ATL3: variants seen among roughly 807,000 people sequenced by gnomAD.
The protein encoded by ATL3 is atlastin GTPase 3.
ATL3 carries 49 observed loss-of-function variants against 69.5 expected under a neutral mutation model. The observed-to-expected ratio is 0.71, with a 90% confidence interval of 0.56 to 0.89. The LOEUF (loss-of-function observed/expected upper bound fraction) is 0.89. Among genes scored for constraint, ATL3 ranks in the 40% least tolerant of loss-of-function variants. The probability of loss-of-function intolerance (pLI) is 0.00; values close to 1 mark genes in which losing one functional copy is unlikely to be tolerated. For synonymous variants in ATL3, 214 were observed against 224.1 expected (o/e 0.95, Z 0.40); for missense variants, 606 against 645.7 (o/e 0.94, Z 0.67).
chr11:63,654,027 G>A (rs576455375), intron 3 of ATL3, among the ~76,000 whole-genome samples: 86 of 152,242 alleles, frequency 5.6e-4, no homozygotes, highest in African/African-American at 2.0e-3. Flanking sequence ...AATATTAATT[G>A]TAACAAATGT....
At chr11:63,652,105 C>T (rs1940096573) in intron 4 of ATL3, 119 bp from the exon 5 acceptor site, 1 of 1,449,214 alleles carries the variant, frequency 6.9e-7, no homozygotes, top group Non-Finnish European at 9.1e-7. Flanking sequence ...GAACATGAGG[C>T]CTGTTCAAAC....
At chr11:63,670,890 G>A (rs1003654873) in intron 1 of ATL3, among the ~76,000 whole-genome samples, 1 of 152,200 alleles carries the variant, frequency 6.6e-6, no homozygotes, top group South Asian at 2.1e-4. Flanking sequence ...GGCACGGAGG[G>A]GCAGCGCCCT....
At chr11:63,630,967 T>C in intron 12 of ATL3, 73 bp downstream of exon 12, 1 of 1,458,148 alleles carries the variant, frequency 6.9e-7, no homozygotes, top group Non-Finnish European at 9.2e-7. Context: ...TCTTCCAAAC[T>C]GAGATATTTT....
At position 63,634,201 on chromosome 11, in the gene ATL3, A is replaced by G. The variant is rs551355668; in HGVS notation, c.1036-1104T>C. 7.3e-3 allele frequency among the ~76,000 whole-genome samples: 1,077 copies of G among 148,420 alleles called. 13 individuals carry two copies. Among genetic ancestry groups the G allele is most frequent in the African/African-American group, 0.022 (867 of 40,020 alleles). On this transcript the variant is annotated intron_variant, in intron 10 of 12. Transcript: ENST00000398868. The stretch of plus-strand genomic sequence containing the variant: ...GTTTCTATTTAAAAAAAAAAAAAAA[A>G]AAGAAGAAGAAGAAAAAAAAGGGGG...
chr11:63,632,855 C>G, intron 11 of ATL3, 171 bp downstream of exon 11: 2 of 768,578 alleles, frequency 2.6e-6, no homozygotes, highest in South Asian at 3.7e-5. Context: ...AACAAACAAA[C>G]AAACAAAGAA....
chr11:63,640,486 T>G (rs1939662596), intron 8 of ATL3, among the ~76,000 whole-genome samples: 1 of 150,778 alleles, frequency 6.6e-6, no homozygotes, highest in South Asian at 2.1e-4. Context: ...GGGGGGGATC[T>G]CCCTATGTTG....
chr11:63,638,114 T>G (rs892361451), intron 8 of ATL3, among the ~76,000 whole-genome samples: 1 of 152,212 alleles, frequency 6.6e-6, no homozygotes, highest in East Asian at 1.9e-4. Flanking sequence ...GATGCTACAC[T>G]TGTCACTTTA....
At chr11:63,644,371 G>GTACTT in intron 6 of ATL3, 110 bp from the exon 7 acceptor site, 3 of 448,784 alleles carry the variant, frequency 6.7e-6, no homozygotes, top group Non-Finnish European at 3.9e-6. Flanking sequence ...GGGTAAAGTA[G>GTACTT]AAGGATTTAC....
Position 63,625,977 on chromosome 11 carries a change from G to A in ATL3, c.*3342C>T, listed in dbSNP as rs1433044319. Reference sequence around the variant, plus strand: ...AGCCTGGGTGACAGTACAAGAGTCCGTCTCAAAAAAAAAAAGGAATAAAGC... The same window carrying A: ...AGCCTGGGTGACAGTACAAGAGTCCATCTCAAAAAAAAAAAGGAATAAAGC... On this transcript the variant is annotated 3_prime_UTR_variant, in exon 13 of 13. Transcript: ENST00000398868. 5 of 150,230 alleles carry A rather than the reference G, an allele frequency of 3.3e-5. No individual in the cohort carries two copies. Among genetic ancestry groups the A allele is most frequent in the African/African-American group, 9.8e-5 (4 of 40,664 alleles). 9.3% of individuals were successfully genotyped at this position (150,230 alleles called of 1,614,324 possible).
rs1939178714 is a variant in ATL3 at position 63,628,100 on chromosome 11, C to G, written c.*1219G>C. The G allele has an allele frequency of 6.6e-6, 1 of 152,130 alleles. No individual in the cohort carries two copies. Among genetic ancestry groups the G allele is most frequent in the Admixed American group, 6.5e-5 (1 of 15,274 alleles). 9.4% of individuals were successfully genotyped at this position (152,130 alleles called of 1,614,324 possible). ...ATGCAGAACTCTCAAAAACAAAACC[C>G]CTCAAATGACAATTACAAGAGTTGT... On this transcript the variant is annotated 3_prime_UTR_variant, in exon 13 of 13. Coordinates refer to ENST00000398868, the MANE Select transcript of ATL3 (RefSeq NM_015459.5).
chr11:63,639,954 G>A (rs1202867889), intron 8 of ATL3, among the ~76,000 whole-genome samples: 2 of 151,056 alleles, frequency 1.3e-5, no homozygotes, highest in South Asian at 4.2e-4. Flanking sequence ...TTGGGACAGA[G>A]TTTCGCTCTT....
At chr11:63,659,702 A>G (rs758048843) in intron 1 of ATL3, among the ~76,000 whole-genome samples, 10 of 152,146 alleles carry the variant, frequency 6.6e-5, no homozygotes, top group Non-Finnish European at 1.2e-4. Flanking sequence ...TGGGAAGCCG[A>G]GGTGGGTGGA....
At chr11:63,643,858 G>GAAT (rs5792298) in intron 7 of ATL3, among the ~76,000 whole-genome samples, 152,092 of 152,298 alleles carry the variant, frequency 1, 75,943 homozygotes, top group Middle Eastern at 1. Flanking sequence ...TAAAAATTTT[G>GAAT]AAGAATAACA....
At chr11:63,658,321 T>C (rs936040117) in intron 3 of ATL3, among the ~76,000 whole-genome samples, 1 of 152,316 alleles carries the variant, frequency 6.6e-6, no homozygotes, top group South Asian at 2.1e-4. Flanking sequence ...GTAAGTTGTA[T>C]CCTGAATTAT....
At chr11:63,654,887 G>T (rs1266612680) in intron 3 of ATL3, among the ~76,000 whole-genome samples, 1 of 144,262 alleles carries the variant, frequency 6.9e-6, no homozygotes, top group Admixed American at 6.9e-5. Flanking sequence ...AGTTGAGCAA[G>T]ACTGTCTAAA....
At chr11:63,635,327 G>A (rs563292207) in intron 10 of ATL3, among the ~76,000 whole-genome samples, 3 of 152,010 alleles carry the variant, frequency 2.0e-5, no homozygotes, top group Admixed American at 6.6e-5. Context: ...AGGCCATTTC[G>A]TTTTAACTGT....
In ATL3 at chr11:63,633,027, T is replaced by C. The variant is rs1287330080; in HGVS notation, c.1106A>G (p.Glu369Gly). The C allele has an allele frequency of 6.2e-7, 1 of 1,613,892 alleles. No homozygotes were observed. Among genetic ancestry groups the C allele is most frequent in the East Asian group, 2.2e-5 (1 of 44,878 alleles). ...AKDIYYNNMEEVCGGEKPYLS... is the reference protein window; with the variant it reads ...AKDIYYNNMEGVCGGEKPYLS... ...GAATAAGGCGTATGTCCCACGTACCTCTTCCATGTTGTTATAATAAATGTC... is the reference window on the plus strand; with the variant it reads ...GAATAAGGCGTATGTCCCACGTACCCCTTCCATGTTGTTATAATAAATGTC... Residue 369 changes from glutamate (E) to glycine (G), a missense_variant and splice_region_variant, in exon 11 of 13, where the codon GAG becomes GGG. Coordinates refer to ENST00000398868, the MANE Select transcript of ATL3 (RefSeq NM_015459.5).
Position 63,631,465 on chromosome 11 carries a change from C to A in ATL3, c.1114G>T (p.Gly372Trp), listed in dbSNP as rs755513890. 5.0e-6 allele frequency: 8 copies of A among 1,594,490 alleles called. No individual in the cohort carries two copies. Among genetic ancestry groups the A allele is most frequent in the South Asian group, 2.3e-5 (2 of 87,996 alleles). Residue 372 changes from glycine (G) to tryptophan (W), a missense_variant, in exon 12 of 13, where the codon GGG becomes TGG. Physicochemically the swap from Gly to Trp is radical, Grantham distance 184. Coordinates refer to ENST00000398868, the MANE Select transcript of ATL3 (RefSeq NM_015459.5). ...GGAGACAAATAAGGTTTCTCTCCCC[C>A]ACAAACCTAAAAAGAACAAAGAAAC... ...IYYNNMEEVC[G>W]GEKPYLSPDI...
chr11:63,643,516 T>C (rs946171595), intron 7 of ATL3, 21 bp from the exon 8 acceptor site: 2 of 1,595,350 alleles, frequency 1.3e-6, no homozygotes, highest in African/African-American at 2.7e-5. Flanking sequence ...AGACCAAGAA[T>C]TTACCAACCA....
Sources: gnomAD v4.1 joint callset for allele counts (sites outside exome capture counted in the v4.1 genomes callset) on GRCh38, gnomAD v4.1.1 for gene constraint, MANE v1.5 for transcripts, NCBI Gene and HGNC (gene_info 2026-07-23, HGNC 2026-07-21) for gene names.